Variants in BBS9 observed in about 807,000 individuals in gnomAD.
BBS9 encodes protein PTHB1.
A neutral mutation model predicts 117.7 loss-of-function variants in BBS9; 89 were observed. The ratio of observed to expected loss-of-function variants is 0.76; its 90% CI spans 0.64 to 0.90. The LOEUF (loss-of-function observed/expected upper bound fraction) is 0.90, where lower values mean the gene tolerates loss of function less well. Ranked by LOEUF, BBS9 falls within the 40% of genes least tolerant of loss-of-function variation. BBS9 has a pLI of 0.00. For synonymous variants in BBS9, 379 were observed against 370.9 expected (o/e 1.02, Z -0.25); for missense variants, 982 against 1,042.2 (o/e 0.94, Z 0.80).
At chr7:33,479,053 C>T (rs1842177552) in intron 19 of BBS9, among the ~76,000 whole-genome samples, 1 of 152,078 alleles carries the variant, frequency 6.6e-6, no homozygotes, top group African/African-American at 2.4e-5. Context: ...AAGTAGCAAG[C>T]AGTTCTGTCT....
At chr7:33,210,872 A>G (rs551563794) in intron 5 of BBS9, among the ~76,000 whole-genome samples, 3 of 152,208 alleles carry the variant, frequency 2.0e-5, no homozygotes, top group Non-Finnish European at 2.9e-5. Flanking sequence ...TGTTGAGTGT[A>G]TAGATCATTA....
At chr7:33,485,467 G>A (rs912176516) in intron 19 of BBS9, among the ~76,000 whole-genome samples, 2 of 151,646 alleles carry the variant, frequency 1.3e-5, no homozygotes, top group African/African-American at 2.4e-5. Flanking sequence ...CCGCCACCAC[G>A]CCTGGCTAAT....
At position 33,438,537 on chromosome 7, in the gene BBS9, T is replaced by C. The variant is rs560165892; in HGVS notation, c.2115+50393T>C. ...AGAAAATGTAAGCTGCCAAAAGACATTGAAAGATGCTTAACCTTGGTAGTA... is the reference window on the plus strand; with the variant it reads ...AGAAAATGTAAGCTGCCAAAAGACACTGAAAGATGCTTAACCTTGGTAGTA... On this transcript the variant is annotated intron_variant, in intron 19 of 22. Transcript: ENST00000242067. Among the ~76,000 whole-genome samples, 11 of 152,232 alleles carry C rather than the reference T, an allele frequency of 7.2e-5. No homozygotes were observed. The South Asian group carries it at 2.1e-3, about 29-fold the overall frequency.
intron 19 of BBS9, among the ~76,000 whole-genome samples, chr7:33,391,107 C>T (rs1476943305): frequency 6.6e-6 from 1 of 152,250 alleles, no homozygotes; most frequent in South Asian, 2.1e-4. Flanking sequence ...CTCCTGGGAT[C>T]GAACAAGCAT....
At chr7:33,451,365 T>C (rs1221910843) in intron 19 of BBS9, among the ~76,000 whole-genome samples, 1 of 152,206 alleles carries the variant, frequency 6.6e-6, no homozygotes, top group Non-Finnish European at 1.5e-5. Context: ...TTTAAGTAAA[T>C]TTTTAATATA....
At chr7:33,491,631 G>A (rs1174255660) in intron 19 of BBS9, among the ~76,000 whole-genome samples, 5 of 152,166 alleles carry the variant, frequency 3.3e-5, no homozygotes, top group Non-Finnish European at 7.4e-5. Flanking sequence ...ACAAGACACA[G>A]TCCCTGTCTT....
chr7:33,526,864 C>G (rs956247154), intron 20 of BBS9, among the ~76,000 whole-genome samples: 113 of 151,096 alleles, frequency 7.5e-4, no homozygotes, highest in Non-Finnish European at 1.1e-3. Flanking sequence ...CTGTTTTTTC[C>G]CCATCTTTGT....
At chr7:33,497,419 T>A (rs1585029737) in intron 19 of BBS9, among the ~76,000 whole-genome samples, 1 of 152,286 alleles carries the variant, frequency 6.6e-6, no homozygotes, top group African/African-American at 2.4e-5. Flanking sequence ...ACTGGAAAAT[T>A]GTGGGCATGT....
intron 19 of BBS9, among the ~76,000 whole-genome samples, chr7:33,409,040 A>G (rs993179097): frequency 4.3e-4 from 66 of 152,050 alleles, no homozygotes; most frequent in African/African-American, 1.6e-3. Flanking sequence ...TCCATTGCCC[A>G]TTTTTTAATG....
At chr7:33,430,055 A>C (rs899327448) in intron 19 of BBS9, among the ~76,000 whole-genome samples, 6 of 152,172 alleles carry the variant, frequency 3.9e-5, no homozygotes, top group African/African-American at 1.4e-4. Context: ...GGAGAGTGCT[A>C]CTAGGATGGG....
chr7:33,593,424 GTTTTT>G (rs1862254333), intron 21 of BBS9, among the ~76,000 whole-genome samples: 1 of 151,932 alleles, frequency 6.6e-6, no homozygotes, highest in African/African-American at 2.4e-5. Context: ...TTTTGTTTTG[GTTTTT>G]TAGGTTCCAT....
chr7:33,159,048 G>A (rs1470693043), intron 4 of BBS9, among the ~76,000 whole-genome samples: 1 of 152,028 alleles, frequency 6.6e-6, no homozygotes, highest in Non-Finnish European at 1.5e-5. Flanking sequence ...CCTTTGATTG[G>A]CCAAAACTCA....
chr7:33,371,356 T>C (rs1822832841), intron 17 of BBS9, among the ~76,000 whole-genome samples: 1 of 152,184 alleles, frequency 6.6e-6, no homozygotes, highest in South Asian at 2.1e-4. Flanking sequence ...AGGATAAATT[T>C]TGAGTATCTA....
chr7:33,551,834 G>A (rs1854471467), intron 21 of BBS9, among the ~76,000 whole-genome samples: 1 of 152,106 alleles, frequency 6.6e-6, no homozygotes, highest in Non-Finnish European at 1.5e-5. Flanking sequence ...TCAGTCATTT[G>A]GTGAAATGAG....
At chr7:33,340,814 G>C in intron 10 of BBS9, 83 bp from the exon 11 acceptor site, 1 of 1,157,962 alleles carries the variant, frequency 8.6e-7, no homozygotes, top group East Asian at 2.6e-5. Flanking sequence ...TTTTATATGT[G>C]GTATAGACAA....
At chr7:33,251,369 G>A (rs547473951) in intron 5 of BBS9, among the ~76,000 whole-genome samples, 5 of 152,280 alleles carry the variant, frequency 3.3e-5, no homozygotes, top group Admixed American at 3.3e-4. Flanking sequence ...ACCAATCACT[G>A]TGACTACTGG....
chr7:33,311,897 G>T (rs1241724509), intron 9 of BBS9, among the ~76,000 whole-genome samples: 1 of 151,714 alleles, frequency 6.6e-6, no homozygotes, highest in Non-Finnish European at 1.5e-5. Flanking sequence ...ACATTCCTCT[G>T]TGCAATAGAA....
At chr7:33,630,854 T>A (rs1014545381) in intron 21 of BBS9, among the ~76,000 whole-genome samples, 1 of 152,178 alleles carries the variant, frequency 6.6e-6, no homozygotes, top group African/African-American at 2.4e-5. Context: ...ATCTCATAAA[T>A]ATTTATTGTC....
chr7:33,208,654 T>G (rs1417065265), intron 5 of BBS9, among the ~76,000 whole-genome samples: 3 of 152,234 alleles, frequency 2.0e-5, no homozygotes, highest in South Asian at 2.1e-4. Context: ...ATTTGTTTCT[T>G]TTTTCTTCTA....
Sources: gnomAD v4.1 joint callset for allele counts (sites outside exome capture counted in the v4.1 genomes callset) on GRCh38, gnomAD v4.1.1 for gene constraint, MANE v1.5 for transcripts, NCBI Gene and HGNC (gene_info 2026-07-23, HGNC 2026-07-21) for gene names.